The following SND1 variants were observed in gnomAD, a reference collection of about 807,000 sequenced individuals.
SND1 encodes the protein staphylococcal nuclease domain-containing protein 1.
A neutral mutation model predicts 121.7 loss-of-function variants in SND1; 38 were observed. The observed-to-expected ratio is 0.31, with a 90% CI of 0.24 to 0.41. The LOEUF is 0.41. SND1 is among the 10% of genes least tolerant of loss of function. SND1 has a pLI of 1.00. For synonymous variants in SND1, 401 were observed against 447.4 expected (o/e 0.90, Z 1.31); for missense variants, 868 against 1,184.6 (o/e 0.73, Z 3.92).
chr7:127,986,254 G>A (rs751330881), intron 15 of SND1, among the ~76,000 whole-genome samples: 1 of 152,178 alleles, frequency 6.6e-6, no homozygotes, highest in Non-Finnish European at 1.5e-5. Flanking sequence ...CAGAGTATTT[G>A]TGTTAATTGA....
chr7:127,808,146 G>T (rs115072281), intron 11 of SND1, among the ~76,000 whole-genome samples: 174 of 147,016 alleles, frequency 1.2e-3, no homozygotes, highest in African/African-American at 4.1e-3. Context: ...GCAGATTTTT[G>T]TGTAGCTTGA....
At chr7:127,916,372 C>T (rs1271827411) in intron 14 of SND1, among the ~76,000 whole-genome samples, 1 of 152,080 alleles carries the variant, frequency 6.6e-6, no homozygotes, top group Non-Finnish European at 1.5e-5. Context: ...GATGGTGGTG[C>T]TCCTTGTCTG....
chr7:127,958,385 T>C (rs572227350), intron 15 of SND1, among the ~76,000 whole-genome samples: 17 of 152,360 alleles, frequency 1.1e-4, no homozygotes, highest in African/African-American at 4.1e-4. Flanking sequence ...GTGAGGAAAC[T>C]TTGTCCAGTC....
Position 128,092,255 on chromosome 7 carries a change from C to T in SND1, c.*197C>T. ...AAGGCTTTCTGGGGCAGACCCTTGT[C>T]CTCTGGGATGATGGGCACTGCTATC... On this transcript the variant is annotated 3_prime_UTR_variant, in exon 24 of 24. Transcript: ENST00000354725. This position sits in a 1 kb window ranked among gnomAD's most constrained non-coding sequence, Gnocchi z 4.9. 1.0e-5 allele frequency: 6 copies of T among 599,146 alleles called. No individual in the cohort carries two copies. In the South Asian group the frequency reaches 1.0e-4, roughly 10 times the overall value. 37.1% of individuals were successfully genotyped at this position (599,146 alleles called of 1,614,324 possible).
intron 12 of SND1, among the ~76,000 whole-genome samples, chr7:127,854,079 C>T (rs1293622594): frequency 6.6e-6 from 1 of 152,166 alleles, no homozygotes; most frequent in Non-Finnish European, 1.5e-5. Context: ...GCTGCTAACA[C>T]ACATTCTTGT....
intron 15 of SND1, among the ~76,000 whole-genome samples, chr7:127,943,739 G>T (rs1469940691): frequency 2.0e-5 from 3 of 152,202 alleles, no homozygotes; most frequent in African/African-American, 7.2e-5. Context: ...TTTGGATGGT[G>T]TGGCAGCAGG....
At chr7:127,832,080 A>C (rs965559128) in intron 11 of SND1, among the ~76,000 whole-genome samples, 1 of 152,232 alleles carries the variant, frequency 6.6e-6, no homozygotes, top group Non-Finnish European at 1.5e-5. Flanking sequence ...TGTTCTCAGC[A>C]GCTACATCAT....
intron 10 of SND1, among the ~76,000 whole-genome samples, chr7:127,733,178 G>A (rs1796710478): frequency 6.6e-6 from 1 of 152,092 alleles, no homozygotes; most frequent in African/African-American, 2.4e-5. Context: ...GAAAGAAGAG[G>A]TTAGTTTTAT....
Position 127,807,505 on chromosome 7 carries a change from C to G in SND1, c.1174C>G (p.Pro392Ala). ...NTQDKNKKLR[P>A]LYDIPYMFEA... ...TTAGGATAAGAACAAGAAACTGCGT[C>G]CCCTGTATGACATTCCTTACATGTT... is the stretch of plus-strand genomic sequence containing the variant. The change falls in exon 11 of 24, where the codon CCC becomes GCC. Residue 392 changes from proline (P) to alanine (A), a missense_variant. Physicochemically the swap from Pro to Ala is conservative, Grantham distance 27. Around this residue, in one of 2 missense-constraint regions of SND1, gnomAD observed 743 missense variants for 1,071.3 expected, o/e 0.69. Coordinates refer to ENST00000354725, the MANE Select transcript of SND1 (RefSeq NM_014390.4). 1 of 1,613,938 alleles carries G rather than the reference C, an allele frequency of 6.2e-7. No individual in the cohort carries two copies. Among genetic ancestry groups the G allele is most frequent in the Non-Finnish European group, 8.5e-7 (1 of 1,179,852 alleles).
intron 16 of SND1, among the ~76,000 whole-genome samples, chr7:128,014,749 G>A (rs769652198): frequency 6.6e-6 from 1 of 152,214 alleles, no homozygotes; most frequent in East Asian, 1.9e-4. Context: ...TTGGCGGGCA[G>A]TTGTGAGAGA....
chr7:127,808,090 G>GT (rs1167425777), intron 11 of SND1, among the ~76,000 whole-genome samples: 67 of 144,250 alleles, frequency 4.6e-4, no homozygotes, highest in Middle Eastern at 3.7e-3. Context: ...CCCTGTGGGA[G>GT]TTTTTTTTTT....
chr7:127,737,180 A>G (rs1796792418), intron 10 of SND1, among the ~76,000 whole-genome samples: 1 of 152,212 alleles, frequency 6.6e-6, no homozygotes, highest in South Asian at 2.1e-4. Context: ...CTGCCAGTTC[A>G]GGGTTGGCAG....
Position 127,688,066 on chromosome 7 carries a change from G to A in SND1, c.228+1304G>A, listed in dbSNP as rs1467633072. Among the ~76,000 whole-genome samples the A allele has an allele frequency of 3.9e-5, 6 of 152,110 alleles. 1 individual carries two copies. The highest frequency in any genetic ancestry group is 8.8e-5 in the Non-Finnish European group (6 of 68,026). On this transcript the variant is annotated intron_variant, in intron 2 of 23. Transcript: ENST00000354725. ...TGAAATTGCAAAATTTTGTGTAAAC[G>A]TGAATTGTTTTAGAGAGGGAGTTTT...
In SND1 at chr7:127,790,620, T is replaced by C. The variant is rs189529354; in HGVS notation, c.1153-16864T>C. 7.2e-5 allele frequency among the ~76,000 whole-genome samples: 11 copies of C among 152,306 alleles called. No individual in the cohort carries two copies. The East Asian group carries it at 1.5e-3, about 21-fold the overall frequency. The stretch of plus-strand genomic sequence containing the variant: ...GACTCTTTTGAATTGCTTTGAGGGT[T>C]AAATGAGCATAGTGGTATCAAAAAG... On this transcript the variant is annotated intron_variant, in intron 10 of 23. Transcript: ENST00000354725.
chr7:127,890,048 G>T (rs1177811799), intron 13 of SND1, among the ~76,000 whole-genome samples: 3 of 152,072 alleles, frequency 2.0e-5, no homozygotes, highest in Non-Finnish European at 4.4e-5. Context: ...ATACCCAGCA[G>T]TGTGATTGCT....
At chr7:127,924,999 C>G (rs1800800979) in intron 14 of SND1, among the ~76,000 whole-genome samples, 1 of 152,126 alleles carries the variant, frequency 6.6e-6, no homozygotes, top group Admixed American at 6.6e-5. Context: ...TCATTCAGAA[C>G]CCTGTTCCTC....
chr7:127,698,822 C>T, intron 3 of SND1, 53 bp from the exon 4 acceptor site: 1 of 1,455,584 alleles, frequency 6.9e-7, no homozygotes, highest in South Asian at 1.1e-5. Flanking sequence ...GGCTCTGTTG[C>T]TGTTGGAGGC....
chr7:127,689,796 A>G (rs1049558878), intron 2 of SND1, among the ~76,000 whole-genome samples: 3 of 152,062 alleles, frequency 2.0e-5, no homozygotes, highest in South Asian at 2.1e-4. Flanking sequence ...TCTCCTTCCT[A>G]ATAATCCAAT....
At chr7:128,060,800 A>G (rs1200705998) in intron 16 of SND1, among the ~76,000 whole-genome samples, 1 of 152,182 alleles carries the variant, frequency 6.6e-6, no homozygotes, top group African/African-American at 2.4e-5. Context: ...AGCTGTTCTT[A>G]TTCAAGGGTG....
Sources: gnomAD v4.1 joint callset for allele counts (sites outside exome capture counted in the v4.1 genomes callset) on GRCh38, gnomAD v4.1.1 for gene constraint, gnomAD v4.1.1 regional missense constraint, Gnocchi (gnomAD v3.1) non-coding constraint, MANE v1.5 for transcripts, NCBI Gene and HGNC (gene_info 2026-07-23, HGNC 2026-07-21) for gene names.